The following UBE3D variants were observed in gnomAD, a reference collection of about 807,000 sequenced individuals.
UBE3D encodes ubiquitin protein ligase E3D.
In UBE3D, 48 loss-of-function variants were observed where a neutral mutation model predicts 49.6. The ratio of observed to expected loss-of-function variants is 0.97; its 90% CI spans 0.77 to 1.23. The LOEUF is 1.23. Among genes scored for constraint, UBE3D ranks in the 50% most tolerant of loss-of-function variants. UBE3D has a pLI of 0.00. For missense variants in UBE3D, 452 were observed against 468.4 expected, an observed-to-expected ratio of 0.96 and a Z score of 0.32; for synonymous variants, 189 against 174.2, an observed-to-expected ratio of 1.08 and a Z score of -0.67.
At chr6:83,027,115 CT>C (rs1781516866) in intron 5 of UBE3D, among the ~76,000 whole-genome samples, 1 of 151,864 alleles carries the variant, frequency 6.6e-6, no homozygotes, top group Non-Finnish European at 1.5e-5. Context: ...TTTCTTCTAC[CT>C]GAGTACAGGT....
chr6:83,064,395 T>A (rs1319859017), intron 1 of UBE3D, among the ~76,000 whole-genome samples: 1 of 152,040 alleles, frequency 6.6e-6, no homozygotes, highest in Non-Finnish European at 1.5e-5. Flanking sequence ...ACCCAGCTAA[T>A]TTTTGTATTT....
chr6:83,010,243 C>T (rs1183932483), intron 8 of UBE3D, among the ~76,000 whole-genome samples: 1 of 151,930 alleles, frequency 6.6e-6, no homozygotes, highest in East Asian at 1.9e-4. Context: ...TTATTTTTTG[C>T]TTCCAAATCA....
intron 8 of UBE3D, among the ~76,000 whole-genome samples, chr6:83,007,060 T>C (rs921554888): frequency 1.3e-5 from 2 of 152,208 alleles, no homozygotes; most frequent in African/African-American, 4.8e-5. Context: ...TGGTTACATT[T>C]GTTTTTATTT....
At chr6:83,005,753 C>T (rs1046351193) in intron 8 of UBE3D, among the ~76,000 whole-genome samples, 19 of 151,320 alleles carry the variant, frequency 1.3e-4, no homozygotes, top group African/African-American at 3.9e-4. Flanking sequence ...CACTGACAGA[C>T]GAAAAGATAA....
chr6:82,946,652 G>C (rs762355767), intron 9 of UBE3D, among the ~76,000 whole-genome samples: 1 of 152,038 alleles, frequency 6.6e-6, no homozygotes, highest in Non-Finnish European at 1.5e-5. Flanking sequence ...CTACTCTTAA[G>C]TAGAAAGACT....
At chr6:82,888,490 G>A (rs1439420774), downstream of UBE3D, among the ~76,000 whole-genome samples, 1 of 152,014 alleles carries the variant, frequency 6.6e-6, no homozygotes, top group Non-Finnish European at 1.5e-5. Context: ...TAGAAAGAAA[G>A]TAATCAGGCT....
chr6:83,065,725 C>T lies in UBE3D; in HGVS notation c.-7G>A. 3 of 1,609,314 alleles carry T rather than the reference C, an allele frequency of 1.9e-6. No homozygotes were observed. Among genetic ancestry groups the T allele is most frequent in the Non-Finnish European group, 1.7e-6 (2 of 1,177,930 alleles). ...CCGCCGCAGAAGCCGCCATGGCAGG[C>T]TTCCAGTCCCAGACCGGACCAAGCT... On this transcript the variant is annotated 5_prime_UTR_variant, in exon 1 of 10. Transcript: ENST00000369747.
intron 5 of UBE3D, chr6:83,036,440 A>C (rs1384806840): frequency 2.6e-5 from 4 of 151,232 alleles, no homozygotes; most frequent in Admixed American, 6.6e-5. Context: ...TAAATTCCAC[A>C]TTCTCTGAAT....
chr6:82,905,728 A>T (rs570208044), intron 9 of UBE3D, among the ~76,000 whole-genome samples: 10 of 152,176 alleles, frequency 6.6e-5, no homozygotes, highest in Non-Finnish European at 1.2e-4. Context: ...ACTCAAGTCT[A>T]GTCATCCCAG....
intron 8 of UBE3D, among the ~76,000 whole-genome samples, chr6:83,011,880 C>T (rs1379074128): frequency 6.6e-6 from 1 of 152,094 alleles, no homozygotes; most frequent in Non-Finnish European, 1.5e-5. Flanking sequence ...CCCCTCAATT[C>T]CTGGACCCGT....
chr6:82,890,051 T>A (rs1770952856), downstream of UBE3D, among the ~76,000 whole-genome samples: 1 of 152,082 alleles, frequency 6.6e-6, no homozygotes, highest in East Asian at 1.9e-4. Flanking sequence ...TTCTGTGGTA[T>A]CCTTATCTAA....
chr6:83,030,165 G>A (rs958238756), intron 5 of UBE3D, among the ~76,000 whole-genome samples: 2 of 151,862 alleles, frequency 1.3e-5, no homozygotes, highest in African/African-American at 4.8e-5. Context: ...TGCAGCAGGT[G>A]GTTTTTGCAT....
Position 82,974,762 on chromosome 6 carries a change from T to G in UBE3D, c.1011-17312A>C, listed in dbSNP as rs567989993. Among the ~76,000 whole-genome samples the G allele has an allele frequency of 2.2e-5, 3 of 134,202 alleles. No individual in the cohort carries two copies. In the South Asian group the frequency reaches 7.7e-4, roughly 34 times the overall value. The allele number at this position is 134,202 out of a possible 152,430, so 88.0% of individuals were successfully genotyped here. ...TGTGAAAGGTAGTTAAGCACCTGAA[T>G]TTACCAATGTTAAAAGACCTTAAAA... On this transcript the variant is annotated intron_variant, in intron 8 of 9. Transcript: ENST00000369747.
chr6:83,000,201 A>G (rs921721854), intron 8 of UBE3D, among the ~76,000 whole-genome samples: 3 of 152,160 alleles, frequency 2.0e-5, no homozygotes, highest in African/African-American at 7.2e-5. Context: ...CAGATGACTC[A>G]CAAATTTACA....
chr6:82,951,010 AAAAG>A (rs1370442277), intron 9 of UBE3D, among the ~76,000 whole-genome samples: 3 of 152,132 alleles, frequency 2.0e-5, no homozygotes, highest in Non-Finnish European at 2.9e-5. Flanking sequence ...TAAAAAAAAA[AAAAG>A]AAAGAATAAG....
intron 8 of UBE3D, among the ~76,000 whole-genome samples, chr6:83,007,488 A>G (rs920081931): frequency 6.6e-5 from 10 of 152,214 alleles, no homozygotes; most frequent in African/African-American, 2.2e-4. Flanking sequence ...AAATACAAAA[A>G]CAAGGAGCTT....
At chr6:82,999,015 C>T (rs1219066084) in intron 8 of UBE3D, among the ~76,000 whole-genome samples, 1 of 152,170 alleles carries the variant, frequency 6.6e-6, no homozygotes, top group African/African-American at 2.4e-5. Context: ...TTCTGGTCAT[C>T]TCACTCATCT....
At chr6:82,957,617 G>A (rs889218028) in intron 8 of UBE3D, among the ~76,000 whole-genome samples, 167 bp from the exon 9 acceptor site, 2 of 152,182 alleles carry the variant, frequency 1.3e-5, no homozygotes, top group African/African-American at 4.8e-5. Context: ...CGTTTTTATG[G>A]TGTTGTTGAT....
intron 5 of UBE3D, among the ~76,000 whole-genome samples, chr6:83,025,710 C>A (rs967930130): frequency 1.1e-4 from 16 of 151,856 alleles, no homozygotes; most frequent in Admixed American, 4.6e-4. Flanking sequence ...TGGTGAAACC[C>A]TGTCTCTACT....
Sources: allele counts gnomAD v4.1 joint callset (sites outside exome capture counted in the v4.1 genomes callset), GRCh38; gene constraint gnomAD v4.1.1; transcripts MANE v1.5; gene names NCBI Gene and HGNC (gene_info 2026-07-23, HGNC 2026-07-21).